The following PTPRG variants were observed in gnomAD, a reference collection of about 807,000 sequenced individuals.
The protein encoded by PTPRG is receptor-type tyrosine-protein phosphatase gamma.
Under a neutral mutation model 165.3 loss-of-function variants are expected in PTPRG, and 102 were observed. The ratio of observed to expected loss-of-function variants is 0.62; its 90% CI spans 0.53 to 0.73. PTPRG has a LOEUF of 0.73. PTPRG is among the 30% of genes least tolerant of loss of function. The pLI is 0.00. For missense variants in PTPRG, 1,866 were observed against 1,861.4 expected, an observed-to-expected ratio of 1.00 and a Z score of -0.05; for synonymous variants, 675 against 669.5, an observed-to-expected ratio of 1.01 and a Z score of -0.13.
chr3:62,070,952 A>G (rs6766287), intron 4 of PTPRG, among the ~76,000 whole-genome samples: 105,527 of 151,600 alleles, frequency 0.7, 38,152 homozygotes, highest in Non-Finnish European at 0.79. Flanking sequence ...AAAAAAGAAA[A>G]AAAAAGAAAA....
At chr3:61,700,856 A>C (rs1372157213) in intron 1 of PTPRG, among the ~76,000 whole-genome samples, 1 of 152,162 alleles carries the variant, frequency 6.6e-6, no homozygotes, top group Non-Finnish European at 1.5e-5. Flanking sequence ...TATACTACAC[A>C]GGAAATACAT....
At position 61,884,828 on chromosome 3, in the gene PTPRG, T is replaced by G. The variant is rs2037985203; in HGVS notation, c.191-104797T>G. 2.0e-5 allele frequency among the ~76,000 whole-genome samples: 3 copies of G among 152,202 alleles called. No homozygotes were observed. In the South Asian group the frequency reaches 6.2e-4, roughly 32 times the overall value. ...TGTGGTTCAAGTTTTCCACTTGCCA[T>G]TACTACTAAACTCTAAGGGGAGTGA... On this transcript the variant is annotated intron_variant, in intron 2 of 29. Coordinates refer to ENST00000474889, the MANE Select transcript of PTPRG (RefSeq NM_002841.4).
chr3:61,891,110 G>A (rs1337340498), intron 2 of PTPRG, among the ~76,000 whole-genome samples: 1 of 152,064 alleles, frequency 6.6e-6, no homozygotes, highest in South Asian at 2.1e-4. Flanking sequence ...ACGAGGTCAA[G>A]AGTTTGAGAC....
intron 1 of PTPRG, among the ~76,000 whole-genome samples, chr3:61,643,803 A>G (rs1337752368): frequency 2.6e-5 from 4 of 152,126 alleles, no homozygotes; most frequent in African/African-American, 7.2e-5. Flanking sequence ...AACACAGTGA[A>G]TGTATATAGA....
At chr3:62,018,499 C>A (rs1246149220) in intron 4 of PTPRG, among the ~76,000 whole-genome samples, 5 of 152,142 alleles carry the variant, frequency 3.3e-5, no homozygotes, top group African/African-American at 1.2e-4. Context: ...CACTCTCTTT[C>A]CAGTTGGCCA....
chr3:61,951,066 C>G (rs2039888681), intron 2 of PTPRG, among the ~76,000 whole-genome samples: 1 of 152,202 alleles, frequency 6.6e-6, no homozygotes, highest in South Asian at 2.1e-4. Context: ...GTACAAGAAG[C>G]TGTAAATTGC....
chr3:61,781,846 G>A (rs1297175358), intron 2 of PTPRG, among the ~76,000 whole-genome samples: 2 of 149,972 alleles, frequency 1.3e-5, no homozygotes, highest in African/African-American at 4.9e-5. Context: ...TCCTGCCTCA[G>A]CCTCCCAAGT....
intron 2 of PTPRG, among the ~76,000 whole-genome samples, chr3:61,866,582 C>CTTTTTTTTTTTTTTTTTTTTTTT (rs532356516): frequency 4.3e-5 from 3 of 69,068 alleles, no homozygotes; most frequent in Admixed American, 2.1e-4. Context: ...ACTGTTTGCT[C>CTTTTTTTTTTTTTTTTTTTTTTT]TTTTTTTTTT....
intron 1 of PTPRG, among the ~76,000 whole-genome samples, chr3:61,731,218 C>G (rs191327105): frequency 1.3e-5 from 2 of 152,032 alleles, no homozygotes; most frequent in East Asian, 3.8e-4. Flanking sequence ...AAGTAGAGTT[C>G]CCTTAAATTG....
intron 2 of PTPRG, among the ~76,000 whole-genome samples, chr3:61,965,185 A>G (rs368163061): frequency 1.3e-5 from 2 of 151,294 alleles, no homozygotes; most frequent in Admixed American, 6.6e-5. Flanking sequence ...CGGAGGTTAC[A>G]TTGAGCCGAG....
rs1241781088 is a variant in PTPRG at position 62,291,193 on chromosome 3, A to G, written c.4056-1228A>G. Among the ~76,000 whole-genome samples, 7 of 152,160 alleles carry G rather than the reference A, an allele frequency of 4.6e-5. No homozygotes were observed. The East Asian group carries it at 1.3e-3, about 29-fold the overall frequency. ...AGTAAGATACAGTCTTCCACTCATC[A>G]GATTGGCAAAAGTGTTTCAAGTTTA... is the stretch of plus-strand genomic sequence containing the variant. On this transcript the variant is annotated intron_variant, in intron 28 of 29. Transcript: ENST00000474889.
chr3:62,234,443 C>T (rs1385693203), intron 14 of PTPRG, among the ~76,000 whole-genome samples: 2 of 152,078 alleles, frequency 1.3e-5, no homozygotes, highest in African/African-American at 4.8e-5. Flanking sequence ...GGGCTTCTCT[C>T]TGCAGTCTAT....
intron 5 of PTPRG, chr3:62,118,440 G>A (rs1039600803): frequency 6.6e-6 from 1 of 152,150 alleles, no homozygotes; most frequent in African/African-American, 2.4e-5. Context: ...AACCTGACTT[G>A]GAAGACCTTG....
intron 2 of PTPRG, among the ~76,000 whole-genome samples, chr3:61,864,750 A>G (rs1040939587): frequency 6.6e-6 from 1 of 152,212 alleles, no homozygotes; most frequent in Non-Finnish European, 1.5e-5. Flanking sequence ...TGCTTTGGAA[A>G]TTGAGAAGAG....
intron 1 of PTPRG, among the ~76,000 whole-genome samples, chr3:61,568,011 G>A (rs1699961768): frequency 6.6e-6 from 1 of 151,640 alleles, no homozygotes; most frequent in Non-Finnish European, 1.5e-5. Flanking sequence ...TGAGAAATGG[G>A]AGCAACCATC....
chr3:62,167,002 A>G (rs1705013560), intron 7 of PTPRG, among the ~76,000 whole-genome samples: 1 of 152,096 alleles, frequency 6.6e-6, no homozygotes, highest in Non-Finnish European at 1.5e-5. Context: ...CCTTTTGATA[A>G]TAGAAATATG....
At chr3:61,740,042 G>A (rs1044083299) in intron 1 of PTPRG, among the ~76,000 whole-genome samples, 40 of 152,284 alleles carry the variant, frequency 2.6e-4, no homozygotes, top group African/African-American at 9.6e-4. Flanking sequence ...AGTTCAGATG[G>A]GTGGCCGTGT....
chr3:61,991,218 A>G (rs1439996335), intron 3 of PTPRG, among the ~76,000 whole-genome samples: 1 of 152,128 alleles, frequency 6.6e-6, no homozygotes, highest in Non-Finnish European at 1.5e-5. Context: ...AATTTTTTAA[A>G]TTTTTGAGAC....
chr3:61,884,747 T>A (rs1251519526), intron 2 of PTPRG, among the ~76,000 whole-genome samples: 6 of 152,234 alleles, frequency 3.9e-5, no homozygotes, highest in Non-Finnish European at 7.3e-5. Context: ...GAAGTTTATT[T>A]ACCTTTCAAG....
Sources: gnomAD v4.1 joint callset for allele counts (sites outside exome capture counted in the v4.1 genomes callset) on GRCh38, gnomAD v4.1.1 for gene constraint, MANE v1.5 for transcripts, NCBI Gene and HGNC (gene_info 2026-07-23, HGNC 2026-07-21) for gene names.